PTPRO: variants seen among roughly 807,000 people sequenced by gnomAD.
The protein encoded by PTPRO is protein tyrosine phosphatase receptor type O.
Under a neutral mutation model 145.2 loss-of-function variants are expected in PTPRO, and 62 were observed. That is an observed-to-expected ratio of 0.43 (90% CI 0.35 to 0.53). The LOEUF (loss-of-function observed/expected upper bound fraction) is 0.53, where lower values mean the gene tolerates loss of function less well. Among genes scored for constraint, PTPRO ranks in the 20% least tolerant of loss-of-function variants. The pLI is 0.01. For missense variants in PTPRO, 1,345 were observed against 1,482.7 expected, an observed-to-expected ratio of 0.91 and a Z score of 1.53; for synonymous variants, 565 against 514.7, an observed-to-expected ratio of 1.10 and a Z score of -1.32.
chr12:15,565,628 A>T lies in PTPRO; in HGVS notation c.2747A>T (p.Asn916Ile). ...GGTTTAAAGAAGAGGAAACTGACAA[A>T]GTAAGTTTTTCTTACTATGTCATTT... ...KNGLKKRKLTNPVQLDDFDAY... is the reference protein window; with the variant it reads ...KNGLKKRKLTIPVQLDDFDAY... The change falls in exon 18 of 27, where the codon AAC (asparagine) becomes ATC (isoleucine). Residue 916 changes from asparagine (N) to isoleucine (I), a missense_variant and splice_region_variant. Around this residue, in one of 3 missense-constraint regions of PTPRO, gnomAD observed 1,130 missense variants for 1,214.7 expected, o/e 0.93. Coordinates refer to ENST00000281171, the MANE Select transcript of PTPRO (RefSeq NM_030667.3). 6.9e-7 allele frequency: 1 copy of T among 1,448,628 alleles called. No individual in the cohort carries two copies. 89.7% of individuals were successfully genotyped at this position (1,448,628 alleles called of 1,614,324 possible).
Position 15,501,933 on chromosome 12 carries a change from T to C in PTPRO, c.975T>C (p.Ser325=). ...SVLPMEYENN[S]TLSETEKSTS... ...TTCCCATGGAATACGAAAATAACAG[T>C]ACACTCAGTGAGACAGAGAAGTCAA... The change falls in exon 5 of 27, where the codon AGT becomes AGC. Residue 325 remains serine, a synonymous_variant. Transcript: ENST00000281171. The C allele has an allele frequency of 1.9e-6, 3 of 1,614,032 alleles. No homozygotes were observed. Among genetic ancestry groups the C allele is most frequent in the Non-Finnish European group, 1.7e-6 (2 of 1,179,944 alleles).
At chr12:15,487,245 C>T (rs949339914) in intron 2 of PTPRO, among the ~76,000 whole-genome samples, 6 of 152,158 alleles carry the variant, frequency 3.9e-5, no homozygotes, top group South Asian at 2.1e-4. Flanking sequence ...CAAACTACAC[C>T]GACACTGAAA....
At chr12:15,560,622 A>C (rs1943749516) in intron 17 of PTPRO, among the ~76,000 whole-genome samples, 1 of 152,086 alleles carries the variant, frequency 6.6e-6, no homozygotes. Context: ...ATTTCCAAGA[A>C]GGTAGAAATG....
intron 1 of PTPRO, among the ~76,000 whole-genome samples, chr12:15,448,594 G>A (rs1185952147): frequency 6.6e-6 from 1 of 152,012 alleles, no homozygotes; most frequent in African/African-American, 2.4e-5. Flanking sequence ...AATTGCTAGA[G>A]CCATAGGGAA....
intron 1 of PTPRO, among the ~76,000 whole-genome samples, chr12:15,336,186 T>G: frequency 6.6e-6 from 1 of 151,896 alleles, no homozygotes; most frequent in Non-Finnish European, 1.5e-5. Flanking sequence ...TGGAGACATA[T>G]CTTTCCAAAT....
chr12:15,517,688 C>A (rs1372930417), intron 9 of PTPRO, among the ~76,000 whole-genome samples: 1 of 152,190 alleles, frequency 6.6e-6, no homozygotes, highest in African/African-American at 2.4e-5. Flanking sequence ...GCTACAGGCC[C>A]CATGCAACTC....
At chr12:15,475,629 A>G (rs1025003324) in intron 1 of PTPRO, among the ~76,000 whole-genome samples, 1 of 152,014 alleles carries the variant, frequency 6.6e-6, no homozygotes, top group Non-Finnish European at 1.5e-5. Flanking sequence ...AATGAAACAC[A>G]CTTTGGCAAA....
rs139067235 is a variant in PTPRO, at chr12:15,365,320, A to G, written c.75+42519A>G. ...GTGAGACTCAAACAAAAGCATAGAA[A>G]ACTTTGTTTTCAAAAAGTAAAAACC... On this transcript the variant is annotated intron_variant, in intron 1 of 26. Transcript: ENST00000281171. 4.7e-4 allele frequency among the ~76,000 whole-genome samples: 71 copies of G among 152,244 alleles called. No homozygotes were observed. In the East Asian group the frequency reaches 0.013, roughly 28 times the overall value.
chr12:15,449,276 TCA>T lies in PTPRO; in HGVS notation c.76-34697_76-34696del, dbSNP rs556331045. Among the ~76,000 whole-genome samples, 811 of 152,354 alleles carry T rather than the reference TCA, an allele frequency of 5.3e-3. 3 individuals are homozygous for T. The highest frequency in any genetic ancestry group is 0.01 in the Middle Eastern group (3 of 294). ...TATGGCCACTGGGATTGGCCAAGACTCAGTTATTGTTACAGGTGCATACTCCT... is the reference window on the plus strand; with the variant it reads ...TATGGCCACTGGGATTGGCCAAGACTGTTATTGTTACAGGTGCATACTCCT... On this transcript the variant is annotated intron_variant, in intron 1 of 26. Coordinates refer to ENST00000281171, the MANE Select transcript of PTPRO (RefSeq NM_030667.3).
At chr12:15,354,403 ATCTT>A (rs951266118) in intron 1 of PTPRO, among the ~76,000 whole-genome samples, 4 of 152,202 alleles carry the variant, frequency 2.6e-5, no homozygotes, top group African/African-American at 9.6e-5. Flanking sequence ...TGGATGCCTT[ATCTT>A]TCTTAGTGCT....
chr12:15,430,103 A>T (rs1180768255), intron 1 of PTPRO, among the ~76,000 whole-genome samples: 1 of 152,054 alleles, frequency 6.6e-6, no homozygotes, highest in African/African-American at 2.4e-5. Flanking sequence ...TAAACATGCA[A>T]ATCTGGAACA....
At chr12:15,469,772 A>C (rs1368790568) in intron 1 of PTPRO, among the ~76,000 whole-genome samples, 5 of 146,242 alleles carry the variant, frequency 3.4e-5, no homozygotes, top group South Asian at 2.1e-4. Flanking sequence ...TCCTGACAAA[A>C]AAAAAAAAAA....
chr12:15,340,859 A>T (rs2136215455), intron 1 of PTPRO, among the ~76,000 whole-genome samples: 1 of 152,276 alleles, frequency 6.6e-6, no homozygotes, highest in African/African-American at 2.4e-5. Flanking sequence ...CAATTTTAAC[A>T]CTAATGTCTT....
chr12:15,422,385 T>C (rs1358456780), intron 1 of PTPRO, among the ~76,000 whole-genome samples: 2 of 152,162 alleles, frequency 1.3e-5, no homozygotes, highest in Non-Finnish European at 2.9e-5. Flanking sequence ...AAAAATGACT[T>C]TATGATTAAT....
intron 1 of PTPRO, among the ~76,000 whole-genome samples, chr12:15,471,015 G>A (rs1483721428): frequency 6.6e-6 from 1 of 152,134 alleles, no homozygotes; most frequent in African/African-American, 2.4e-5. Flanking sequence ...TCTTACACCT[G>A]GCTGCCTCTC....
intron 1 of PTPRO, among the ~76,000 whole-genome samples, chr12:15,468,045 T>C (rs992339571): frequency 6.6e-6 from 1 of 152,232 alleles, no homozygotes; most frequent in Admixed American, 6.5e-5. Flanking sequence ...TCTCATCTTA[T>C]ACCCTTTTTT....
chr12:15,554,354 T>C (rs1943558613), intron 15 of PTPRO, among the ~76,000 whole-genome samples: 1 of 151,912 alleles, frequency 6.6e-6, no homozygotes, highest in Admixed American at 6.6e-5. Context: ...TCAAAACTAA[T>C]AGTACATAGT....
chr12:15,558,414 C>G (rs1050724525), intron 16 of PTPRO, among the ~76,000 whole-genome samples: 3 of 152,048 alleles, frequency 2.0e-5, no homozygotes, highest in East Asian at 3.9e-4. Context: ...ATTAAGGACC[C>G]GGAAGGAGGA....
chr12:15,445,008 C>G (rs916193784), intron 1 of PTPRO, among the ~76,000 whole-genome samples: 7 of 151,866 alleles, frequency 4.6e-5, no homozygotes, highest in African/African-American at 7.3e-5. Context: ...TTTCAAGTAC[C>G]CAAAAAATGT....
Sources: gnomAD v4.1 joint callset for allele counts (sites outside exome capture counted in the v4.1 genomes callset) on GRCh38, gnomAD v4.1.1 for gene constraint, gnomAD v4.1.1 regional missense constraint, MANE v1.5 for transcripts, NCBI Gene and HGNC (gene_info 2026-07-23, HGNC 2026-07-21) for gene names.